DAPK1: variants seen among roughly 807,000 people sequenced by gnomAD.
The protein encoded by DAPK1 is death associated protein kinase 1, also known as death-associated protein kinase 1.
DAPK1 carries 56 observed loss-of-function variants against 144.9 expected under a neutral mutation model. The ratio of observed to expected loss-of-function variants is 0.39; its 90% CI spans 0.31 to 0.48. DAPK1 has a LOEUF of 0.48. DAPK1 is among the 20% of genes least tolerant of loss of function. The pLI is 0.95. For synonymous variants in DAPK1, 690 were observed against 749.0 expected, an observed-to-expected ratio of 0.92 and a Z score of 1.29; for missense variants, 1,454 against 1,875.4, an observed-to-expected ratio of 0.78 and a Z score of 4.15.
chr9:87,547,350 C>G (rs937595360), intron 2 of DAPK1, among the ~76,000 whole-genome samples: 4 of 152,178 alleles, frequency 2.6e-5, no homozygotes, highest in African/African-American at 9.7e-5. Flanking sequence ...TTCTCTAGAT[C>G]AACACGGTTC....
At chr9:87,578,031 C>T (rs1365242890) in intron 2 of DAPK1, among the ~76,000 whole-genome samples, 1 of 152,048 alleles carries the variant, frequency 6.6e-6, no homozygotes, top group African/African-American at 2.4e-5. Flanking sequence ...ATTTCTTTTA[C>T]CTCATTTGCT....
At chr9:87,650,231 G>A in intron 16 of DAPK1, 113 bp downstream of exon 16, 3 of 973,228 alleles carry the variant, frequency 3.1e-6, no homozygotes, top group Non-Finnish European at 3.2e-6. Flanking sequence ...GCAGCAAACT[G>A]TAATTACCCC....
At chr9:87,695,995 G>A (rs1250322970) in intron 21 of DAPK1, among the ~76,000 whole-genome samples, 1 of 152,168 alleles carries the variant, frequency 6.6e-6, no homozygotes, top group Admixed American at 6.5e-5. Flanking sequence ...AAGGTGGAGT[G>A]TCTGTATTAA....
At chr9:87,645,008 G>A (rs959030570) in intron 11 of DAPK1, among the ~76,000 whole-genome samples, 3 of 152,132 alleles carry the variant, frequency 2.0e-5, no homozygotes, top group Non-Finnish European at 2.9e-5. Context: ...AAAAGTGTTT[G>A]GATTCAGATC....
At chr9:87,668,197 T>A (rs1028485475) in intron 18 of DAPK1, 1 of 199,250 alleles carries the variant, frequency 5.0e-6, no homozygotes, top group African/African-American at 2.3e-5. Context: ...GTAAGGATTA[T>A]AACACAGTAG....
intron 2 of DAPK1, among the ~76,000 whole-genome samples, chr9:87,587,780 C>T (rs999294092): frequency 1.3e-5 from 2 of 152,258 alleles, no homozygotes; most frequent in African/African-American, 4.8e-5. Context: ...CAGCAGCCCT[C>T]GCTCAAGATG....
At chr9:87,613,130 A>G (rs1034731189) in intron 3 of DAPK1, among the ~76,000 whole-genome samples, 4 of 152,258 alleles carry the variant, frequency 2.6e-5, no homozygotes, top group Non-Finnish European at 4.4e-5. Flanking sequence ...GCAGTCTGCT[A>G]TGGTTGTAGC....
chr9:87,504,103 A>G (rs1026750869), intron 2 of DAPK1, among the ~76,000 whole-genome samples: 4 of 152,136 alleles, frequency 2.6e-5, no homozygotes, highest in Non-Finnish European at 5.9e-5. Flanking sequence ...TTTTCTTCAG[A>G]AATGGGAACC....
chr9:87,592,319 G>A (rs1264431459), intron 2 of DAPK1, among the ~76,000 whole-genome samples: 2 of 152,214 alleles, frequency 1.3e-5, no homozygotes, highest in East Asian at 3.9e-4. Flanking sequence ...TCGCCCACTA[G>A]TGGACTTCCC....
At chr9:87,552,839 G>T (rs187909215) in intron 2 of DAPK1, among the ~76,000 whole-genome samples, 1 of 151,696 alleles carries the variant, frequency 6.6e-6, no homozygotes. Context: ...GGCCTCAAGC[G>T]ATTCTCCCAC....
At chr9:87,645,248 A>G (rs1437407604) in intron 11 of DAPK1, among the ~76,000 whole-genome samples, 1 of 152,126 alleles carries the variant, frequency 6.6e-6, no homozygotes, top group Non-Finnish European at 1.5e-5. Flanking sequence ...CTACTCTTCC[A>G]GTTATTTTTC....
At chr9:87,508,390 T>A (rs1167100057) in intron 2 of DAPK1, among the ~76,000 whole-genome samples, 1 of 150,934 alleles carries the variant, frequency 6.6e-6, no homozygotes, top group Non-Finnish European at 1.5e-5. Context: ...TCGCCCAGGC[T>A]GGAGTGCAGT....
At chr9:87,536,764 C>T (rs1825874138) in intron 2 of DAPK1, among the ~76,000 whole-genome samples, 1 of 152,004 alleles carries the variant, frequency 6.6e-6, no homozygotes, top group Admixed American at 6.5e-5. Context: ...AAATTATATT[C>T]TCTTTGAGAA....
chr9:87,619,753 A>G (rs1451938426), intron 3 of DAPK1, among the ~76,000 whole-genome samples: 4 of 152,168 alleles, frequency 2.6e-5, no homozygotes, highest in African/African-American at 9.7e-5. Context: ...AACCTATTAT[A>G]TGGCCGGCAT....
chr9:87,597,332 G>A (rs1311442659), intron 2 of DAPK1, among the ~76,000 whole-genome samples: 4 of 152,130 alleles, frequency 2.6e-5, no homozygotes, highest in Non-Finnish European at 5.9e-5. Flanking sequence ...AAAGCTGTAG[G>A]GGCCTTTGAG....
At chr9:87,603,516 G>A (rs1433161984) in intron 2 of DAPK1, among the ~76,000 whole-genome samples, 2 of 152,074 alleles carry the variant, frequency 1.3e-5, no homozygotes, top group Non-Finnish European at 2.9e-5. Flanking sequence ...CTTCTTCACT[G>A]GCCTCCTACT....
chr9:87,639,347 T>C lies in DAPK1; in HGVS notation c.424-7T>C, dbSNP rs1447905119. ...AGCTTTTTATTTATCTCTCTCTTTT[T>C]TTCAAGCCTGAGAACATAATGCTTT... On this transcript the variant is annotated splice_polypyrimidine_tract_variant and splice_region_variant and intron_variant, in intron 4 of 25. Coordinates refer to ENST00000408954, the MANE Select transcript of DAPK1 (RefSeq NM_004938.4). 1.3e-6 allele frequency: 2 copies of C among 1,591,452 alleles called. No homozygotes were observed. Among genetic ancestry groups the C allele is most frequent in the Non-Finnish European group, 1.7e-6 (2 of 1,173,638 alleles).
intron 16 of DAPK1, among the ~76,000 whole-genome samples, chr9:87,650,815 G>T (rs375284682): frequency 6.6e-6 from 1 of 152,174 alleles, no homozygotes; most frequent in African/African-American, 2.4e-5. Flanking sequence ...GCATCTCGTC[G>T]ATCCCAGCCA....
At chr9:87,637,478 T>C (rs1007387810) in intron 3 of DAPK1, among the ~76,000 whole-genome samples, 3 of 152,168 alleles carry the variant, frequency 2.0e-5, no homozygotes, top group Non-Finnish European at 4.4e-5. Flanking sequence ...TCAGACCATA[T>C]ATTGTGAATT....
Sources: allele counts gnomAD v4.1 joint callset (sites outside exome capture counted in the v4.1 genomes callset), GRCh38; gene constraint gnomAD v4.1.1; transcripts MANE v1.5; gene names NCBI Gene and HGNC (gene_info 2026-07-23, HGNC 2026-07-21).